Variants in BMPR1B observed in about 807,000 individuals in gnomAD.
BMPR1B encodes bone morphogenetic protein receptor type 1B.
In BMPR1B, 12 loss-of-function variants were observed where a neutral mutation model predicts 59.1. That is an observed-to-expected ratio of 0.20 (90% CI 0.13 to 0.33). BMPR1B has a LOEUF of 0.33. BMPR1B is among the 10% of genes least tolerant of loss of function. BMPR1B has a pLI of 1.00. For missense variants in BMPR1B, 550 were observed against 610.9 expected (o/e 0.90, Z 1.05); for synonymous variants, 237 against 207.3 (o/e 1.14, Z -1.23).
intron 3 of BMPR1B, among the ~76,000 whole-genome samples, chr4:95,088,394 CT>C (rs149174540): frequency 6.6e-6 from 1 of 151,886 alleles, no homozygotes; most frequent in Non-Finnish European, 1.5e-5. Context: ...TAGGACAAGG[CT>C]TTTTTCCTCC....
intron 1 of BMPR1B, among the ~76,000 whole-genome samples, chr4:94,767,140 C>G (rs1198371071): frequency 6.6e-6 from 1 of 152,140 alleles, no homozygotes; most frequent in Non-Finnish European, 1.5e-5. Flanking sequence ...CTTACTCATC[C>G]TGAGTGACTG....
intron 2 of BMPR1B, among the ~76,000 whole-genome samples, chr4:94,883,138 C>T (rs767485516): frequency 7.2e-5 from 11 of 152,110 alleles, no homozygotes; most frequent in Non-Finnish European, 1.5e-4. Context: ...TGACTGAGCT[C>T]ACCTCCCTTC....
At chr4:95,012,267 A>C (rs540972941) in intron 3 of BMPR1B, among the ~76,000 whole-genome samples, 2 of 152,226 alleles carry the variant, frequency 1.3e-5, no homozygotes, top group East Asian at 3.9e-4. Flanking sequence ...TTTTCTTAAC[A>C]CATTAAGTTA....
At chr4:95,121,820 A>G (rs1336480187) in intron 6 of BMPR1B, among the ~76,000 whole-genome samples, 3 of 152,222 alleles carry the variant, frequency 2.0e-5, no homozygotes, top group African/African-American at 7.2e-5. Context: ...GACAATATGT[A>G]TGAAAAGACT....
Position 94,882,338 on chromosome 4 carries a change from T to C in BMPR1B, c.-113+6438T>C, listed in dbSNP as rs78483191. Among the ~76,000 whole-genome samples, 1,457 of 152,362 alleles carry C rather than the reference T, an allele frequency of 9.6e-3. 12 individuals are homozygous for C. Among genetic ancestry groups the C allele is most frequent in the Non-Finnish European group, 0.013 (851 of 68,038 alleles). Reference sequence around the variant, plus strand: ...TTTTATGTTTTCATATGGGAACAAGTATAGCTTTGCCTTAATCTTGGAAAC... The same window carrying C: ...TTTTATGTTTTCATATGGGAACAAGCATAGCTTTGCCTTAATCTTGGAAAC... On this transcript the variant is annotated intron_variant, in intron 2 of 12. Coordinates refer to ENST00000515059, the MANE Select transcript of BMPR1B (RefSeq NM_001203.3).
In BMPR1B at chr4:95,095,826, C is replaced by T. The variant is rs146222777; in HGVS notation, c.-17-8582C>T. Among the ~76,000 whole-genome samples, 362 of 151,728 alleles carry T rather than the reference C, an allele frequency of 2.4e-3. 9 individuals are homozygous for T. In the East Asian group the frequency reaches 0.046, roughly 19 times the overall value. On this transcript the variant is annotated intron_variant, in intron 3 of 12. Coordinates refer to ENST00000515059, the MANE Select transcript of BMPR1B (RefSeq NM_001203.3). The stretch of plus-strand genomic sequence containing the variant: ...TAAATGTGGCAGTGGATTTTGATAC[C>T]CTTTTGACTATGACATAAAACAGTC...
chr4:95,096,473 T>C (rs979690661), intron 3 of BMPR1B, among the ~76,000 whole-genome samples: 2 of 151,272 alleles, frequency 1.3e-5, no homozygotes, highest in African/African-American at 4.8e-5. Flanking sequence ...GAAATATTCT[T>C]AATATTCTAT....
chr4:95,146,123 T>C (rs990249498), intron 10 of BMPR1B, among the ~76,000 whole-genome samples: 3 of 152,166 alleles, frequency 2.0e-5, no homozygotes, highest in African/African-American at 7.2e-5. Flanking sequence ...TAGTCTTCAG[T>C]TGGAAAACAG....
intron 3 of BMPR1B, among the ~76,000 whole-genome samples, chr4:95,041,243 C>G: frequency 6.6e-6 from 1 of 152,074 alleles, no homozygotes; most frequent in Admixed American, 6.5e-5. Flanking sequence ...GCGATAAGGT[C>G]TTCCTATGTT....
At chr4:94,814,011 G>A (rs1723918383) in intron 1 of BMPR1B, among the ~76,000 whole-genome samples, 1 of 152,150 alleles carries the variant, frequency 6.6e-6, no homozygotes, top group African/African-American at 2.4e-5. Flanking sequence ...CTGCCAAGTA[G>A]GCAGCTGTAT....
chr4:94,785,927 A>G (rs909735196), intron 1 of BMPR1B, among the ~76,000 whole-genome samples: 1 of 152,184 alleles, frequency 6.6e-6, no homozygotes, highest in Non-Finnish European at 1.5e-5. Context: ...TGGATTCTAT[A>G]TAGTGACCTT....
chr4:95,114,269 C>G lies in BMPR1B; in HGVS notation c.144-451C>G, dbSNP rs113093030. Among the ~76,000 whole-genome samples the G allele has an allele frequency of 5.3e-3, 800 of 152,234 alleles. 6 individuals are homozygous for G. The highest frequency in any genetic ancestry group is 0.018 in the African/African-American group (742 of 41,548). On this transcript the variant is annotated intron_variant, in intron 4 of 12. Coordinates refer to ENST00000515059, the MANE Select transcript of BMPR1B (RefSeq NM_001203.3). ...ATTCACACCCTTGCACTCCTTCTCA[C>G]TAACTGTAAGACTTTTGAAAGTTAC...
intron 2 of BMPR1B, among the ~76,000 whole-genome samples, chr4:94,912,480 TG>T (rs1402038932): frequency 6.6e-6 from 1 of 152,104 alleles, no homozygotes; most frequent in Non-Finnish European, 1.5e-5. Flanking sequence ...AAGTGGGATA[TG>T]GGGAAAGAGA....
chr4:94,868,942 G>A (rs1726365159), intron 1 of BMPR1B, among the ~76,000 whole-genome samples: 1 of 152,116 alleles, frequency 6.6e-6, no homozygotes, highest in African/African-American at 2.4e-5. Context: ...TTGCATGGTA[G>A]TGTGTGTCTC....
chr4:94,841,748 C>T (rs6851987), intron 1 of BMPR1B, among the ~76,000 whole-genome samples: 93,321 of 152,006 alleles, frequency 0.61, 29,651 homozygotes, highest in African/African-American at 0.78. Context: ...AGCTGTAGAC[C>T]GGAGCTGTTC....
chr4:95,127,889 A>ATT (rs556277617), intron 8 of BMPR1B, among the ~76,000 whole-genome samples: 1 of 144,720 alleles, frequency 6.9e-6, no homozygotes. Context: ...AATCCCCAGG[A>ATT]TTTTTTTTTT....
rs1375192865 is a variant in BMPR1B, at chr4:95,157,417, AATTTT to A, written c.*2754_*2758del. The A allele has an allele frequency of 1.3e-5, 2 of 152,050 alleles. No homozygotes were observed. Among genetic ancestry groups the A allele is most frequent in the South Asian group, 2.1e-4 (1 of 4,830 alleles). The allele number at this position is 152,050 out of a possible 1,614,324, so 9.4% of individuals were successfully genotyped here. A position where few individuals can be genotyped will look rare whatever the true frequency, so the allele number is the denominator to read the frequency against. ...CAAAATTTCTAGTGGCTCAGAAGTG[AATTTT>A]ATTTTATTTGTCTTTCACTTGAATA... On this transcript the variant is annotated 3_prime_UTR_variant, in exon 13 of 13. Coordinates refer to ENST00000515059, the MANE Select transcript of BMPR1B (RefSeq NM_001203.3).
chr4:94,909,350 A>AGCT (rs1164470242), intron 2 of BMPR1B, among the ~76,000 whole-genome samples: 2 of 152,062 alleles, frequency 1.3e-5, no homozygotes, highest in Non-Finnish European at 2.9e-5. Context: ...ACAGGAAGGC[A>AGCT]GCTGTAGGGA....
At chr4:95,124,045 G>A in intron 7 of BMPR1B, 139 bp downstream of exon 7, 1 of 641,980 alleles carries the variant, frequency 1.6e-6, no homozygotes, top group Non-Finnish European at 2.7e-6. Context: ...GAAAATGTCT[G>A]TTACTGTTGA....
Sources: gnomAD v4.1 joint callset for allele counts (sites outside exome capture counted in the v4.1 genomes callset) on GRCh38, gnomAD v4.1.1 for gene constraint, MANE v1.5 for transcripts, NCBI Gene and HGNC (gene_info 2026-07-23, HGNC 2026-07-21) for gene names.